GNL3L: variants seen among roughly 807,000 people sequenced by gnomAD.
GNL3L encodes G protein nucleolar 3 like.
In GNL3L, 4 loss-of-function variants were observed where a neutral mutation model predicts 42.9. That is an observed-to-expected ratio of 0.09 (90% confidence interval 0.05 to 0.21). The LOEUF (loss-of-function observed/expected upper bound fraction) is 0.21. Among genes scored for constraint, GNL3L ranks in the 10% least tolerant of loss-of-function variants. The probability of loss-of-function intolerance (pLI) is 1.00; values close to 1 mark genes in which losing one functional copy is unlikely to be tolerated. For synonymous variants in GNL3L, 159 were observed against 176.3 expected (o/e 0.90, Z 0.78); for missense variants, 412 against 481.7 (o/e 0.86, Z 1.36).
the GNL3L span, among the ~76,000 whole-genome samples, chrX:54,636,211 T>C: frequency 2.7e-5 from 3 of 111,948 alleles, no homozygotes; most frequent in African/African-American, 9.7e-5. Flanking sequence ...AATATGCAAA[T>C]AAGGTCTGCT....
At chrX:54,547,163 A>C (rs1233162058) in intron 8 of GNL3L, among the ~76,000 whole-genome samples, 1 of 106,360 alleles carries the variant, frequency 9.4e-6, no homozygotes, top group African/African-American at 3.4e-5. Flanking sequence ...CACCCAGCTA[A>C]TTTTTGTATT....
rs779870276 is a variant in GNL3L at position 54,551,703 on chromosome X, C to T, written c.999C>T (p.Thr333=). 10 of 1,211,532 alleles carry T rather than the reference C, an allele frequency of 8.3e-6. No homozygotes were observed. Among genetic ancestry groups the T allele is most frequent in the Admixed American group, 2.2e-5 (1 of 46,015 alleles). Residue 333 remains threonine, a synonymous_variant, in exon 11 of 16, where the codon ACC becomes ACT. Transcript: ENST00000360845. ...VHVQKLADPV[T]PVETILQRCN... is the part of the protein sequence containing the mutation. ...TGCAGAAGCTGGCAGACCCTGTGAC[C>T]CCAGTGGAGACCATCCTGCAGCGCT...
At chrX:54,591,536 T>C (rs1203574305) in intron 16 of GNL3L, among the ~76,000 whole-genome samples, 2 of 105,667 alleles carry the variant, frequency 1.9e-5, no homozygotes, top group South Asian at 4.3e-4. Flanking sequence ...GAGGTTGCAG[T>C]GAGCCCAGAT....
At chrX:54,542,126 T>C (rs1924640195) in intron 5 of GNL3L, among the ~76,000 whole-genome samples, 1 of 112,388 alleles carries the variant, frequency 8.9e-6, no homozygotes, top group Non-Finnish European at 1.9e-5. Flanking sequence ...CTTTAAGTTC[T>C]AGGGTACACG....
chrX:54,579,480 C>G (rs1925677159), intron 16 of GNL3L, among the ~76,000 whole-genome samples: 1 of 112,130 alleles, frequency 8.9e-6, no homozygotes, highest in Admixed American at 9.5e-5. Context: ...GCCTCCAGGG[C>G]TCAAGCCATC....
Position 54,532,371 on chromosome X carries a change from G to A in GNL3L, c.-47-149G>A, listed in dbSNP as rs1924277919. On this transcript the variant is annotated intron_variant, in intron 1 of 15. Transcript: ENST00000360845. ...CTCTGTGTGGACTCAGCCATATGAG[G>A]CTTTAGCTCCAGCTTCTCCCAGTTT... 1.4e-5 allele frequency: 6 copies of A among 443,393 alleles called. No individual in the cohort carries two copies. In the South Asian group the frequency reaches 2.1e-4, roughly 16 times the overall value. 36.5% of individuals were successfully genotyped at this position (443,393 alleles called of 1,213,427 possible).
rs1925289679 is a variant in GNL3L at position 54,562,180 on chromosome X, G to C, written c.*1578G>C. Among the ~76,000 whole-genome samples, 1 of 111,874 alleles carries C rather than the reference G, an allele frequency of 8.9e-6. No individual in the cohort carries two copies. Among genetic ancestry groups the C allele is most frequent in the African/African-American group, 3.3e-5 (1 of 30,731 alleles). On this transcript the variant is annotated 3_prime_UTR_variant, in exon 16 of 16. Coordinates refer to ENST00000360845, the MANE Select transcript of GNL3L (RefSeq NM_001184819.2). ...CCTGCCTTAGCCTCCCAAGTAGCTGGGATTACAGGCACCTGCCACCACGCC... is the reference window on the plus strand; with the variant it reads ...CCTGCCTTAGCCTCCCAAGTAGCTGCGATTACAGGCACCTGCCACCACGCC...
Position 54,562,620 on chromosome X carries a change from A to G in GNL3L, c.*2018A>G, listed in dbSNP as rs961669843. Among the ~76,000 whole-genome samples, 2 of 107,491 alleles carry G rather than the reference A, an allele frequency of 1.9e-5. No individual in the cohort carries two copies. Among genetic ancestry groups the G allele is most frequent in the African/African-American group, 6.8e-5 (2 of 29,537 alleles). 93.3% of individuals were successfully genotyped at this position (107,491 alleles called of 115,157 possible). ...AGTAAGGGATTCGTCTCCCCAAATG[A>G]AAAAAAAAAGTAATCTCAGAATGTT... On this transcript the variant is annotated 3_prime_UTR_variant, in exon 16 of 16. Transcript: ENST00000360845.
intron 14 of GNL3L, among the ~76,000 whole-genome samples, chrX:54,556,370 A>G (rs1049509193): frequency 9.0e-6 from 1 of 110,886 alleles, no homozygotes; most frequent in Admixed American, 9.6e-5. Context: ...ACCCACTATC[A>G]TGATAAGAGC....
chrX:54,582,580 G>A (rs1296274898), intron 16 of GNL3L, among the ~76,000 whole-genome samples: 3 of 111,785 alleles, frequency 2.7e-5, no homozygotes, highest in Non-Finnish European at 1.9e-5. Flanking sequence ...GTTCTAGTTT[G>A]CATTTCTTTT....
At chrX:54,596,662 TG>T (rs754652313) in intron 16 of GNL3L, among the ~76,000 whole-genome samples, 5 of 112,246 alleles carry the variant, frequency 4.5e-5, no homozygotes, top group Non-Finnish European at 9.4e-5. Flanking sequence ...CCCCAGGCTC[TG>T]GGCAGGTCCA....
chrX:54,617,239 A>G (rs147292708), intron 16 of GNL3L, among the ~76,000 whole-genome samples: 9,377 of 111,347 alleles, frequency 0.084, 415 homozygotes, highest in Non-Finnish European at 0.12. Context: ...AGGATGTTCA[A>G]TATTTTTCCA....
chrX:54,563,487 G>A lies in GNL3L; in HGVS notation c.*2885G>A, dbSNP rs1040922649. Among the ~76,000 whole-genome samples the A allele has an allele frequency of 9.0e-6, 1 of 111,637 alleles. No individual in the cohort carries two copies. On this transcript the variant is annotated 3_prime_UTR_variant, in exon 16 of 16. Transcript: ENST00000360845. ...AGAACTAAAGTAGTCATGTCGGTAA[G>A]AATTTGGGACTGCAGGCCAGTTACG...
chrX:54,598,168 A>T lies in GNL3L; in HGVS notation c.*46-22677A>T, dbSNP rs141358351. On this transcript the variant is annotated intron_variant, in intron 16 of 16. Transcript: ENST00000674498. ...ATAATTATTGCTATATTAGGTAATA[A>T]GTTCATCACCTAATTTTTAATTTTC... is the stretch of plus-strand genomic sequence containing the variant. Among the ~76,000 whole-genome samples the T allele has an allele frequency of 6.4e-4, 72 of 111,640 alleles. 2 individuals carry two copies. Among genetic ancestry groups the T allele is most frequent in the African/African-American group, 2.3e-3 (70 of 30,721 alleles).
chrX:54,548,636 C>T (rs893367615), intron 9 of GNL3L, among the ~76,000 whole-genome samples: 6 of 110,967 alleles, frequency 5.4e-5, no homozygotes, highest in African/African-American at 2.0e-4. Context: ...GACCGTCTAC[C>T]TTTTACGGAT....
At position 54,531,434 on chromosome X, in the gene GNL3L, C is replaced by A. The variant is rs780245768; in HGVS notation, c.-48+1015C>A. ...TAGTGGAGCTCAGATCTGTTTCTCT[C>A]CACCCAGGGTAGAATCACAGACGCC... On this transcript the variant is annotated intron_variant, in intron 1 of 15. Transcript: ENST00000360845. Among the ~76,000 whole-genome samples, 4 of 111,264 alleles carry A rather than the reference C, an allele frequency of 3.6e-5. No homozygotes were observed. In the South Asian group the frequency reaches 1.5e-3, roughly 42 times the overall value.
At chrX:54,616,256 A>G (rs1027705258) in intron 16 of GNL3L, among the ~76,000 whole-genome samples, 1 of 113,352 alleles carries the variant, frequency 8.8e-6, no homozygotes, top group Non-Finnish European at 1.9e-5. Context: ...TATTCTTTAA[A>G]TATTTGTTCA....
At chrX:54,613,431 A>G (rs1007923977) in intron 16 of GNL3L, among the ~76,000 whole-genome samples, 14 of 111,211 alleles carry the variant, frequency 1.3e-4, no homozygotes, top group African/African-American at 4.3e-4. Context: ...ACTCTTTTTC[A>G]GATAAATCAG....
At chrX:54,623,215 A>G (rs764793518), downstream of GNL3L, among the ~76,000 whole-genome samples, 15 of 111,629 alleles carry the variant, frequency 1.3e-4, no homozygotes, top group Non-Finnish European at 2.1e-4. Flanking sequence ...GCAATTCCAT[A>G]TGAATTTGAA....
Sources: allele counts gnomAD v4.1 joint callset (sites outside exome capture counted in the v4.1 genomes callset), GRCh38; gene constraint gnomAD v4.1.1; transcripts MANE v1.5; gene names NCBI Gene and HGNC (gene_info 2026-07-23, HGNC 2026-07-21).